MAD1L1: variants seen among roughly 807,000 people sequenced by gnomAD.
MAD1L1 encodes the protein mitotic spindle assembly checkpoint protein MAD1.
Under a neutral mutation model 96.9 loss-of-function variants are expected in MAD1L1, and 95 were observed. That is an observed-to-expected ratio of 0.98 (90% CI 0.83 to 1.16). The LOEUF (loss-of-function observed/expected upper bound fraction) is 1.16. MAD1L1 is among the 50% of genes most tolerant of loss of function. MAD1L1 has a pLI of 0.00. For missense variants in MAD1L1, 1,007 were observed against 954.4 expected (o/e 1.06, Z -0.73); for synonymous variants, 473 against 396.6 (o/e 1.19, Z -2.29).
chr7:2,116,504 G>C (rs1787700640), intron 11 of MAD1L1, among the ~76,000 whole-genome samples: 1 of 133,934 alleles, frequency 7.5e-6, no homozygotes, highest in Non-Finnish European at 1.6e-5. Flanking sequence ...GGTGTCCCCA[G>C]CAAGACCCCA....
At chr7:2,071,186 G>A (rs982718055) in intron 11 of MAD1L1, among the ~76,000 whole-genome samples, 4 of 151,522 alleles carry the variant, frequency 2.6e-5, no homozygotes, top group African/African-American at 9.7e-5. Context: ...TGAGTGAAGT[G>A]AATACGGGGT....
chr7:1,988,879 G>A (rs1049299538), intron 14 of MAD1L1, among the ~76,000 whole-genome samples: 3 of 152,232 alleles, frequency 2.0e-5, no homozygotes, highest in Non-Finnish European at 4.4e-5. Flanking sequence ...GGCCACGTGT[G>A]CCTGGCCCCT....
At position 1,816,184 on chromosome 7, in the gene MAD1L1, C is replaced by T. The variant is rs369669312; in HGVS notation, c.2043G>A (p.Glu681=). 3 of 1,613,388 alleles carry T rather than the reference C, an allele frequency of 1.9e-6. No homozygotes were observed. Among genetic ancestry groups the T allele is most frequent in the Non-Finnish European group, 2.5e-6 (3 of 1,179,810 alleles). ...SGSKMQLLET[E]FSHTVGELIE... is the part of the protein sequence containing the mutation. The stretch of plus-strand genomic sequence containing the variant: ...TGAGCTCGCCCACGGTGTGTGAGAA[C>T]TCTGTCTCCAGTAGCTGCATCTTGG... The change falls in exon 19 of 19, where the codon GAG becomes GAA. Residue 681 remains glutamate, a synonymous_variant. Transcript: ENST00000265854.
chr7:1,962,722 G>A (rs1780002955), intron 15 of MAD1L1, among the ~76,000 whole-genome samples: 1 of 152,186 alleles, frequency 6.6e-6, no homozygotes, highest in Admixed American at 6.5e-5. Flanking sequence ...AGTCATTTGT[G>A]AAATAAAAAA....
chr7:1,975,265 C>G (rs1243871759), intron 15 of MAD1L1, among the ~76,000 whole-genome samples: 2 of 152,242 alleles, frequency 1.3e-5, no homozygotes, highest in Non-Finnish European at 2.9e-5. Context: ...TCACCAGGCC[C>G]CCTCGGGGCC....
chr7:2,216,573 T>A (rs961060277), intron 7 of MAD1L1, among the ~76,000 whole-genome samples: 1 of 152,146 alleles, frequency 6.6e-6, no homozygotes, highest in Non-Finnish European at 1.5e-5. Context: ...AACCATACAC[T>A]GTCCCACTCC....
At chr7:1,897,159 C>T (rs746382342) in intron 18 of MAD1L1, among the ~76,000 whole-genome samples, 4 of 152,260 alleles carry the variant, frequency 2.6e-5, no homozygotes, top group African/African-American at 7.2e-5. Context: ...GAGGAAGAGC[C>T]GGGCTAAGGC....
chr7:2,027,161 G>GA (rs921702726), intron 12 of MAD1L1, among the ~76,000 whole-genome samples: 21 of 149,806 alleles, frequency 1.4e-4, no homozygotes, highest in East Asian at 9.8e-4. Context: ...ACTGAATAAA[G>GA]AAAAAAAAAG....
Position 2,181,047 on chromosome 7 carries a change from C to A in MAD1L1, c.987-31809G>T, listed in dbSNP as rs907938380. Among the ~76,000 whole-genome samples the A allele has an allele frequency of 2.6e-5, 4 of 152,226 alleles. No homozygotes were observed. The East Asian group carries it at 5.8e-4, about 22-fold the overall frequency. ...TCTTCAGGTTTGCTGATTCTTTCTTCTGCTGCTCAAATATGCCGGTGAGCT... is the reference window on the plus strand; with the variant it reads ...TCTTCAGGTTTGCTGATTCTTTCTTATGCTGCTCAAATATGCCGGTGAGCT... On this transcript the variant is annotated intron_variant, in intron 10 of 18. Transcript: ENST00000265854.
At chr7:1,896,629 AG>A (rs1281123512) in intron 18 of MAD1L1, among the ~76,000 whole-genome samples, 1 of 152,246 alleles carries the variant, frequency 6.6e-6, no homozygotes, top group African/African-American at 2.4e-5. Context: ...GAAGCAGGAC[AG>A]CGGCCACCTT....
At chr7:2,122,042 G>C (rs1184469671) in intron 11 of MAD1L1, among the ~76,000 whole-genome samples, 1 of 152,226 alleles carries the variant, frequency 6.6e-6, no homozygotes, top group African/African-American at 2.4e-5. Context: ...GAGGGACAGA[G>C]GAACTCTTGG....
intron 11 of MAD1L1, among the ~76,000 whole-genome samples, chr7:2,145,151 C>G (rs771727122): frequency 1.2e-4 from 19 of 152,204 alleles, no homozygotes; most frequent in Non-Finnish European, 2.6e-4. Context: ...CCCTTCGTCA[C>G]AGCACCACGT....
intron 10 of MAD1L1, among the ~76,000 whole-genome samples, chr7:2,204,651 C>T (rs1471543086): frequency 6.6e-6 from 1 of 152,282 alleles, no homozygotes; most frequent in Non-Finnish European, 1.5e-5. Context: ...GCGCATTACA[C>T]TGCGTGGAGA....
chr7:1,841,423 C>T (rs936295706), intron 18 of MAD1L1, among the ~76,000 whole-genome samples: 5 of 152,212 alleles, frequency 3.3e-5, no homozygotes, highest in African/African-American at 9.7e-5. Context: ...CCAAGTTGAG[C>T]GGCCTGTCAT....
chr7:2,029,491 T>C (rs1022502909), intron 12 of MAD1L1, among the ~76,000 whole-genome samples: 6 of 152,158 alleles, frequency 3.9e-5, no homozygotes, highest in African/African-American at 1.2e-4. Context: ...ACTGATTTCA[T>C]CATAGCCCTC....
chr7:1,883,096 G>A (rs968710321), intron 18 of MAD1L1, among the ~76,000 whole-genome samples: 5 of 145,840 alleles, frequency 3.4e-5, no homozygotes, highest in Admixed American at 3.0e-4. Context: ...TGCCACAAAT[G>A]GCCCCAGGAA....
At chr7:1,943,394 T>C (rs146298861) in intron 16 of MAD1L1, among the ~76,000 whole-genome samples, 195 of 152,264 alleles carry the variant, frequency 1.3e-3, no homozygotes, top group African/African-American at 4.4e-3. Flanking sequence ...TGAAGCACTG[T>C]CAGCAAACGA....
At chr7:1,891,127 C>T (rs781453616) in intron 18 of MAD1L1, among the ~76,000 whole-genome samples, 2 of 152,142 alleles carry the variant, frequency 1.3e-5, no homozygotes, top group Admixed American at 6.5e-5. Context: ...AGCACAAGGA[C>T]GAGGGGTGCG....
At chr7:1,984,582 T>C (rs1283095920) in intron 14 of MAD1L1, among the ~76,000 whole-genome samples, 1 of 152,230 alleles carries the variant, frequency 6.6e-6, no homozygotes, top group Non-Finnish European at 1.5e-5. Flanking sequence ...GGCTAACCCA[T>C]CTGAACCTCA....
Sources: allele counts gnomAD v4.1 joint callset (sites outside exome capture counted in the v4.1 genomes callset), GRCh38; gene constraint gnomAD v4.1.1; transcripts MANE v1.5; gene names NCBI Gene and HGNC (gene_info 2026-07-23, HGNC 2026-07-21).